DLGAP2: variants seen among roughly 807,000 people sequenced by gnomAD.
DLGAP2 encodes disks large-associated protein 2.
DLGAP2 carries 26 observed loss-of-function variants against 100.3 expected under a neutral mutation model. The observed-to-expected ratio is 0.26, with a 90% CI of 0.19 to 0.36. The LOEUF is 0.36. Ranked by LOEUF, DLGAP2 falls within the 10% of genes least tolerant of loss-of-function variation. The pLI is 1.00. For missense variants in DLGAP2, 1,858 were observed against 1,453.2 expected (o/e 1.28, Z -4.53); for synonymous variants, 886 against 630.1 (o/e 1.41, Z -6.08).
chr8:817,999 C>T (rs539682815), intron 1 of DLGAP2, among the ~76,000 whole-genome samples: 1 of 152,124 alleles, frequency 6.6e-6, no homozygotes, highest in African/African-American at 2.4e-5. Context: ...AGCAAACTTG[C>T]CCTAGGGTGT....
At chr8:1,438,726 T>G (rs1797731253) in intron 3 of DLGAP2, among the ~76,000 whole-genome samples, 1 of 152,226 alleles carries the variant, frequency 6.6e-6, no homozygotes, top group Non-Finnish European at 1.5e-5. Flanking sequence ...CACTTCCGCA[T>G]GCACAGACTG....
At chr8:1,044,113 G>T (rs973039788) in intron 2 of DLGAP2, among the ~76,000 whole-genome samples, 7 of 152,092 alleles carry the variant, frequency 4.6e-5, no homozygotes, top group African/African-American at 1.4e-4. Flanking sequence ...AGCTCAGGAT[G>T]GTGAGATACT....
chr8:1,330,901 G>A (rs184241583), intron 3 of DLGAP2, among the ~76,000 whole-genome samples: 1 of 149,264 alleles, frequency 6.7e-6, no homozygotes, highest in African/African-American at 2.5e-5. Context: ...TGAGTTCTGT[G>A]TGGGAGCACC....
intron 2 of DLGAP2, among the ~76,000 whole-genome samples, chr8:1,188,697 C>G (rs1376390105): frequency 2.6e-5 from 4 of 152,128 alleles, no homozygotes; most frequent in Admixed American, 6.6e-5. Context: ...TGTTGCTTCT[C>G]TTTTTGGCAA....
At chr8:1,345,730 G>A (rs935836764) in intron 3 of DLGAP2, among the ~76,000 whole-genome samples, 5 of 152,216 alleles carry the variant, frequency 3.3e-5, no homozygotes, top group Non-Finnish European at 7.3e-5. Context: ...GAATCAGACA[G>A]ATGTTGTTTC....
chr8:1,455,027 G>T (rs542086441), intron 3 of DLGAP2, among the ~76,000 whole-genome samples: 1 of 152,304 alleles, frequency 6.6e-6, no homozygotes, highest in East Asian at 1.9e-4. Context: ...ACATCTTGGG[G>T]GTCTGGGGAG....
chr8:1,551,785 C>G (rs1801775800), intron 5 of DLGAP2, among the ~76,000 whole-genome samples: 1 of 152,104 alleles, frequency 6.6e-6, no homozygotes, highest in Non-Finnish European at 1.5e-5. Context: ...TCCCAGAGAT[C>G]CACACGGAAT....
At chr8:1,150,212 C>T (rs1796673869) in intron 2 of DLGAP2, among the ~76,000 whole-genome samples, 3 of 152,134 alleles carry the variant, frequency 2.0e-5, no homozygotes, top group South Asian at 4.1e-4. Flanking sequence ...GTCTTCATTT[C>T]GGCTTTTGAT....
chr8:1,211,938 C>T (rs968743771), intron 2 of DLGAP2, among the ~76,000 whole-genome samples: 18 of 152,312 alleles, frequency 1.2e-4, no homozygotes, highest in East Asian at 3.9e-4. Flanking sequence ...CAGTGCTCCT[C>T]GTGCTCCAGG....
chr8:1,555,406 A>G (rs926328933), intron 5 of DLGAP2, among the ~76,000 whole-genome samples: 2 of 151,990 alleles, frequency 1.3e-5, no homozygotes, highest in Admixed American at 6.5e-5. Flanking sequence ...AGGCCACACC[A>G]TTTCCTGACT....
chr8:1,258,396 G>A (rs1455193790), intron 2 of DLGAP2, among the ~76,000 whole-genome samples: 1 of 151,786 alleles, frequency 6.6e-6, no homozygotes, highest in African/African-American at 2.4e-5. Context: ...GAGAACACAT[G>A]GACATAGAGG....
chr8:913,170 ATTATACT>A (rs1260546036), intron 2 of DLGAP2, among the ~76,000 whole-genome samples: 1 of 152,184 alleles, frequency 6.6e-6, no homozygotes, highest in Non-Finnish European at 1.5e-5. Flanking sequence ...GGCAGACCTA[ATTATACT>A]TTATTAATGT....
chr8:967,777 AT>A (rs1799908760), intron 2 of DLGAP2, among the ~76,000 whole-genome samples: 1 of 36,874 alleles, frequency 2.7e-5, no homozygotes, highest in Non-Finnish European at 6.4e-5. Context: ...ATATATATAT[AT>A]GTATATATAT....
chr8:741,934 T>A (rs1289447784), intron 1 of DLGAP2, among the ~76,000 whole-genome samples: 1 of 152,218 alleles, frequency 6.6e-6, no homozygotes, highest in African/African-American at 2.4e-5. Context: ...AGGGATGGCC[T>A]GTCTGGAAAT....
At chr8:1,663,709 C>A (rs539400021) in intron 8 of DLGAP2, among the ~76,000 whole-genome samples, 26 of 152,174 alleles carry the variant, frequency 1.7e-4, no homozygotes, top group African/African-American at 5.5e-4. Flanking sequence ...GTCTGTGGAT[C>A]CTGTAAGTGA....
chr8:737,644 G>A lies in DLGAP2; in HGVS notation c.-164G>A, dbSNP rs1039814877. 1.4e-5 allele frequency: 5 copies of A among 350,254 alleles called. No individual in the cohort carries two copies. The highest frequency in any genetic ancestry group is 2.6e-5 in the Non-Finnish European group (5 of 195,182). The allele number at this position is 350,254 out of a possible 1,614,324, so 21.7% of individuals were successfully genotyped here. ...CGGCCGTGAAGACCGACCGTGCGCCGGGCTCGAGCGCGGTCTGAGCGCGCG... is the reference window on the plus strand; with the variant it reads ...CGGCCGTGAAGACCGACCGTGCGCCAGGCTCGAGCGCGGTCTGAGCGCGCG... On this transcript the variant is annotated 5_prime_UTR_variant, in exon 1 of 15. Transcript: ENST00000637795.
intron 3 of DLGAP2, among the ~76,000 whole-genome samples, chr8:1,310,732 G>T (rs970817459): frequency 2.0e-5 from 3 of 151,858 alleles, no homozygotes; most frequent in Admixed American, 2.0e-4. Flanking sequence ...TTCTCGGCTC[G>T]CTGCAACCTC....
intron 2 of DLGAP2, among the ~76,000 whole-genome samples, chr8:922,670 T>C (rs773752701): frequency 6.6e-6 from 1 of 152,226 alleles, no homozygotes; most frequent in Non-Finnish European, 1.5e-5. Context: ...TTTTACTATG[T>C]ATTTTAATAC....
In DLGAP2 at chr8:1,106,620, T is replaced by G. The variant is rs185104422; in HGVS notation, c.74-152231T>G. Among the ~76,000 whole-genome samples, 9 of 148,630 alleles carry G rather than the reference T, an allele frequency of 6.1e-5. 1 individual carries two copies. In the East Asian group the frequency reaches 1.8e-3, roughly 30 times the overall value. ...CTGAAGGAAGCCATTCTAGGAGGGT[T>G]TTCTATTGAAGGGAGCCATTCTAGG... On this transcript the variant is annotated intron_variant, in intron 2 of 14. Transcript: ENST00000637795.
Sources: gnomAD v4.1 joint callset for allele counts (sites outside exome capture counted in the v4.1 genomes callset) on GRCh38, gnomAD v4.1.1 for gene constraint, MANE v1.5 for transcripts, NCBI Gene and HGNC (gene_info 2026-07-23, HGNC 2026-07-21) for gene names.